CSMD1: variants seen among roughly 807,000 people sequenced by gnomAD.
CSMD1 encodes the protein CUB and Sushi multiple domains 1.
In CSMD1, 213 loss-of-function variants were observed where a neutral mutation model predicts 417.5. The ratio of observed to expected loss-of-function variants is 0.51; its 90% CI spans 0.46 to 0.57. CSMD1 has a LOEUF of 0.57. Among genes scored for constraint, CSMD1 ranks in the 20% least tolerant of loss-of-function variants. The pLI is 0.00. For missense variants in CSMD1, 6,923 were observed against 4,529.7 expected, an observed-to-expected ratio of 1.53 and a Z score of -15.17; for synonymous variants, 2,862 against 1,736.8, an observed-to-expected ratio of 1.65 and a Z score of -16.11.
chr8:3,326,188 T>G (rs142961695), intron 23 of CSMD1, among the ~76,000 whole-genome samples: 2,317 of 152,320 alleles, frequency 0.015, 58 homozygotes, highest in African/African-American at 0.052. Flanking sequence ...GTCTTCGCGA[T>G]GATATACATG....
chr8:4,243,671 C>G (rs1461054599), intron 3 of CSMD1, among the ~76,000 whole-genome samples: 1 of 152,038 alleles, frequency 6.6e-6, no homozygotes, highest in Non-Finnish European at 1.5e-5. Flanking sequence ...GATATTGCAA[C>G]TTAATTTTTG....
chr8:4,711,728 A>G (rs1808311225), intron 1 of CSMD1, among the ~76,000 whole-genome samples: 1 of 152,094 alleles, frequency 6.6e-6, no homozygotes, highest in African/African-American at 2.4e-5. Context: ...ATAATTCCAG[A>G]ATTTCCTTCA....
intron 2 of CSMD1, among the ~76,000 whole-genome samples, chr8:4,614,307 C>G (rs1270872737): frequency 6.6e-6 from 1 of 152,200 alleles, no homozygotes; most frequent in Non-Finnish European, 1.5e-5. Flanking sequence ...AAGGCCAAAA[C>G]TCTGTAGAAA....
At chr8:3,033,123 T>A (rs943170771) in intron 50 of CSMD1, among the ~76,000 whole-genome samples, 1 of 152,062 alleles carries the variant, frequency 6.6e-6, no homozygotes, top group Non-Finnish European at 1.5e-5. Flanking sequence ...TTTAAAGATA[T>A]TTTATTTTGA....
chr8:3,204,845 C>G (rs1797164533), intron 31 of CSMD1, among the ~76,000 whole-genome samples: 1 of 152,104 alleles, frequency 6.6e-6, no homozygotes, highest in Non-Finnish European at 1.5e-5. Flanking sequence ...CTGGTTTACT[C>G]CAGAAAAGAA....
intron 3 of CSMD1, among the ~76,000 whole-genome samples, chr8:4,395,779 G>A (rs1230316363): frequency 1.3e-5 from 2 of 152,072 alleles, no homozygotes; most frequent in Non-Finnish European, 2.9e-5. Context: ...CTAAGTGGAA[G>A]AAGAGAATAC....
At chr8:3,217,694 C>T (rs1797959574) in intron 29 of CSMD1, among the ~76,000 whole-genome samples, 1 of 152,134 alleles carries the variant, frequency 6.6e-6, no homozygotes, top group South Asian at 2.1e-4. Flanking sequence ...GCATAGGATA[C>T]TCTGATTGCT....
intron 49 of CSMD1, among the ~76,000 whole-genome samples, chr8:3,077,415 C>T (rs1475352176): frequency 6.6e-6 from 1 of 152,148 alleles, no homozygotes; most frequent in Non-Finnish European, 1.5e-5. Context: ...ACAGGCAAAG[C>T]ACACACTGTC....
At position 4,116,899 on chromosome 8, in the gene CSMD1, G is replaced by A. The variant is rs916118201; in HGVS notation, c.416-84800C>T. On this transcript the variant is annotated intron_variant, in intron 3 of 69. Coordinates refer to ENST00000635120, the MANE Select transcript of CSMD1 (RefSeq NM_033225.6). ...AAAAAGAATAAGCTTTCTGAAATCAGAAAGTGAGGTACTCGAAATGTGTAC... is the reference window on the plus strand; with the variant it reads ...AAAAAGAATAAGCTTTCTGAAATCAAAAAGTGAGGTACTCGAAATGTGTAC... Among the ~76,000 whole-genome samples the A allele has an allele frequency of 2.0e-5, 3 of 152,030 alleles. No homozygotes were observed. The Admixed American group carries it at 2.0e-4, about 10-fold the overall frequency.
rs527371553 is a variant in CSMD1, at chr8:4,361,415, C to G, written c.415+58538G>C. Among the ~76,000 whole-genome samples the G allele has an allele frequency of 1.5e-3, 228 of 152,234 alleles. 2 individuals are homozygous for G. The highest frequency in any genetic ancestry group is 5.8e-3 in the South Asian group (28 of 4,820). ...GCTAACTGTGTCTCAGGCACTGCTT[C>G]TAAGTAATCTGAAAAACTAACTCAT... On this transcript the variant is annotated intron_variant, in intron 3 of 69. Coordinates refer to ENST00000635120, the MANE Select transcript of CSMD1 (RefSeq NM_033225.6).
At chr8:4,247,989 T>C (rs1044687426) in intron 3 of CSMD1, among the ~76,000 whole-genome samples, 1 of 152,174 alleles carries the variant, frequency 6.6e-6, no homozygotes, top group African/African-American at 2.4e-5. Flanking sequence ...CAACCTTCAG[T>C]TTAAGTTGGC....
chr8:3,389,698 A>G (rs1295829337), intron 17 of CSMD1, among the ~76,000 whole-genome samples: 1 of 152,114 alleles, frequency 6.6e-6, no homozygotes, highest in South Asian at 2.1e-4. Flanking sequence ...TAAACCATAA[A>G]CTAAACTTTT....
intron 5 of CSMD1, among the ~76,000 whole-genome samples, chr8:3,772,806 G>C (rs544374016): frequency 6.6e-6 from 1 of 151,894 alleles, no homozygotes; most frequent in Admixed American, 6.6e-5. Context: ...CCAACTGGAA[G>C]TCTGTGTTTA....
At chr8:4,018,572 C>G (rs1033241608) in intron 4 of CSMD1, among the ~76,000 whole-genome samples, 2 of 152,320 alleles carry the variant, frequency 1.3e-5, no homozygotes, top group African/African-American at 2.4e-5. Flanking sequence ...AAAGCAGAGC[C>G]TCTCCAGGCA....
intron 49 of CSMD1, among the ~76,000 whole-genome samples, chr8:3,070,394 T>G (rs577955189): frequency 6.6e-6 from 1 of 152,362 alleles, no homozygotes; most frequent in East Asian, 1.9e-4. Flanking sequence ...AATTTCAACT[T>G]TAAGTCATTT....
At chr8:4,625,399 G>T (rs945526066) in intron 2 of CSMD1, among the ~76,000 whole-genome samples, 2 of 152,066 alleles carry the variant, frequency 1.3e-5, no homozygotes, top group Non-Finnish European at 2.9e-5. Flanking sequence ...AACATGCACT[G>T]CATTTTGAAG....
intron 5 of CSMD1, among the ~76,000 whole-genome samples, chr8:3,918,043 G>C (rs757409039): frequency 6.6e-6 from 1 of 151,926 alleles, no homozygotes; most frequent in African/African-American, 2.4e-5. Context: ...CTTTTTTAAG[G>C]GGTGAGTAAT....
intron 2 of CSMD1, among the ~76,000 whole-genome samples, chr8:4,597,110 A>ATT (rs11136756): frequency 0.032 from 4,768 of 150,806 alleles, 104 homozygotes; most frequent in Non-Finnish European, 0.051. Flanking sequence ...ACAACACACA[A>ATT]TTTTTTTTTT....
intron 6 of CSMD1, among the ~76,000 whole-genome samples, chr8:3,747,302 T>A (rs529325943): frequency 7.9e-5 from 12 of 152,326 alleles, no homozygotes; most frequent in African/African-American, 2.9e-4. Context: ...CTAGGTAATT[T>A]TATGTGGCCC....
Sources: allele counts gnomAD v4.1 joint callset (sites outside exome capture counted in the v4.1 genomes callset), GRCh38; gene constraint gnomAD v4.1.1; transcripts MANE v1.5; gene names NCBI Gene and HGNC (gene_info 2026-07-23, HGNC 2026-07-21).